Variants in FBN1 observed in about 807,000 individuals in gnomAD.
FBN1 encodes fibrillin 1.
In FBN1, 29 loss-of-function variants were observed where a neutral mutation model predicts 365.1. That is an observed-to-expected ratio of 0.08 (90% CI 0.06 to 0.11). The LOEUF is 0.11. Among genes scored for constraint, FBN1 ranks in the 10% least tolerant of loss-of-function variants. FBN1 has a pLI of 1.00. For synonymous variants in FBN1, 1,210 were observed against 1,270.5 expected, an observed-to-expected ratio of 0.95 and a Z score of 1.01; for missense variants, 2,476 against 3,703.2, an observed-to-expected ratio of 0.67 and a Z score of 8.60.
At chr15:48,489,305 T>G (rs12914527) in intron 25 of FBN1, among the ~76,000 whole-genome samples, 1 of 145,914 alleles carries the variant, frequency 6.9e-6, no homozygotes, top group Non-Finnish European at 1.5e-5. Flanking sequence ...CACCTTGGCC[T>G]CTCAAAGTGC....
intron 47 of FBN1, 61 bp downstream of exon 47, chr15:48,446,645 A>G (rs56242393): frequency 1.1e-6 from 1 of 945,090 alleles, no homozygotes; most frequent in East Asian, 2.4e-5. Context: ...AGATGATGCT[A>G]ATTACAAAGA....
At chr15:48,517,835 A>G (rs1418739376) in intron 10 of FBN1, among the ~76,000 whole-genome samples, 2 of 152,192 alleles carry the variant, frequency 1.3e-5, no homozygotes, top group African/African-American at 4.8e-5. Flanking sequence ...CCATTAATAG[A>G]AATTAGACTA....
chr15:48,488,629 TGTG>T (rs1480567600), intron 25 of FBN1, 136 bp from the exon 26 acceptor site: 1 of 943,614 alleles, frequency 1.1e-6, no homozygotes, highest in African/African-American at 1.6e-5. Context: ...TCCAAGAATG[TGTG>T]ATGATCCATG....
chr15:48,531,084 C>T (rs1234232240), intron 8 of FBN1, among the ~76,000 whole-genome samples: 1 of 147,956 alleles, frequency 6.8e-6, no homozygotes, highest in African/African-American at 2.6e-5. Flanking sequence ...GAAAGATCAA[C>T]AAAGAAGGTG....
chr15:48,495,563 A>C lies in FBN1; in HGVS notation c.2445T>G (p.Pro815=), dbSNP rs368004231. The part of the protein sequence containing the change: ...CEDIDECESS[P]CINGVCKNSP... ...TGTTCTTGCAGACTCCATTAATGCAAGGACTTGATTCGCATTCATCAATGT... is the reference window on the plus strand; with the variant it reads ...TGTTCTTGCAGACTCCATTAATGCACGGACTTGATTCGCATTCATCAATGT... The change falls in exon 21 of 66, where the codon CCT becomes CCG. Residue 815 remains proline, a synonymous_variant. Transcript: ENST00000316623. 15 of 1,613,990 alleles carry C rather than the reference A, an allele frequency of 9.3e-6. No individual in the cohort carries two copies. In the African/African-American group the frequency reaches 2.0e-4, roughly 22 times the overall value.
At chr15:48,434,331 A>G (rs2043047288) in intron 54 of FBN1, among the ~76,000 whole-genome samples, 1 of 152,212 alleles carries the variant, frequency 6.6e-6, no homozygotes, top group Non-Finnish European at 1.5e-5. Context: ...GCATCTAAAT[A>G]TAAGTGGTAG....
intron 14 of FBN1, 58 bp downstream of exon 14, chr15:48,509,986 C>T: frequency 1.3e-6 from 2 of 1,580,978 alleles, no homozygotes; most frequent in Non-Finnish European, 1.7e-6. Context: ...TTGTTAAAGA[C>T]CCCTGATATT....
At position 48,488,184 on chromosome 15, in the gene FBN1, G is replaced by A; in HGVS notation, c.3266C>T (p.Thr1089Ile). The change falls in exon 27 of 66, where the codon ACC becomes ATC. Residue 1089 changes from threonine to isoleucine, a missense_variant. Around this residue, in one of 5 missense-constraint regions of FBN1, gnomAD observed 1,780 missense variants for 2,840.8 expected, o/e 0.63. Transcript: ENST00000316623. ...DLCGRGQCVN[T>I]PGDFECKCDE... ...ACACTTGCATTCAAAGTCCCCAGGG[G>A]TGTTCACACACTGGCCTCTGCCACA... 1.2e-6 allele frequency: 2 copies of A among 1,614,164 alleles called. No individual in the cohort carries two copies. Among genetic ancestry groups the A allele is most frequent in the Non-Finnish European group, 1.7e-6 (2 of 1,180,012 alleles).
intron 15 of FBN1, among the ~76,000 whole-genome samples, chr15:48,506,334 AT>A (rs781528637): frequency 2.6e-5 from 4 of 152,256 alleles, no homozygotes; most frequent in Non-Finnish European, 5.9e-5. Context: ...AAAAAGGCAA[AT>A]TGAGAGTAAA....
intron 6 of FBN1, among the ~76,000 whole-genome samples, chr15:48,538,984 G>A (rs777150895): frequency 5.9e-5 from 9 of 152,106 alleles, no homozygotes; most frequent in East Asian, 1.9e-4. Flanking sequence ...ATAGGACATC[G>A]CAGACATGCT....
rs58728910 is a variant in FBN1 at position 48,542,781 on chromosome 15, ATGTGTG to A, written c.539-4979_539-4974del. Among the ~76,000 whole-genome samples the A allele has an allele frequency of 7.9e-3, 1,029 of 130,644 alleles. 8 individuals carry two copies. The highest frequency in any genetic ancestry group is 0.019 in the Middle Eastern group (5 of 268). The allele number at this position is 130,644 out of a possible 152,430, so 85.7% of individuals were successfully genotyped here. The stretch of plus-strand genomic sequence containing the variant: ...TATTTCTGCCCTCTAGGACTCTAAG[ATGTGTG>A]TGTGTGTGTGTGTGTGTGTGTGTGT... On this transcript the variant is annotated intron_variant, in intron 6 of 65. Coordinates refer to ENST00000316623, the MANE Select transcript of FBN1 (RefSeq NM_000138.5).
rs966529462 is a variant in FBN1, at chr15:48,523,725, A to G, written c.988+2405T>C. ...CAAGGGTGGCTGGGGGGGGGGGGGA[A>G]CCGTTGTGGTGGTATGTCACTTTGT... is the stretch of plus-strand genomic sequence containing the variant. On this transcript the variant is annotated intron_variant, in intron 9 of 65. Transcript: ENST00000316623. Among the ~76,000 whole-genome samples the G allele has an allele frequency of 1.5e-3, 212 of 138,008 alleles. 4 individuals are homozygous for G. Among genetic ancestry groups the G allele is most frequent in the African/African-American group, 6.4e-3 (206 of 32,360 alleles). The allele number at this position is 138,008 out of a possible 152,430, so 90.5% of individuals were successfully genotyped here. A position where few individuals can be genotyped will look rare whatever the true frequency, so the allele number is the denominator to read the frequency against.
rs1310010295 is a variant in FBN1 at position 48,463,882 on chromosome 15, G to A, written c.5065+17C>T. 2 of 1,601,998 alleles carry A rather than the reference G, an allele frequency of 1.2e-6. No individual in the cohort carries two copies. Among genetic ancestry groups the A allele is most frequent in the Non-Finnish European group, 1.7e-6 (2 of 1,173,732 alleles). ...ATGAGAACCAAACATGCATTACTGA[G>A]AAAAGCTTGGACTTACCCATGCAAT... On this transcript the variant is annotated intron_variant, in intron 41 of 65. Transcript: ENST00000316623.
intron 4 of FBN1, among the ~76,000 whole-genome samples, chr15:48,604,745 CT>C (rs2044593435): frequency 6.6e-6 from 1 of 152,178 alleles, no homozygotes; most frequent in African/African-American, 2.4e-5. Context: ...CCCTGAAAAG[CT>C]TTTTCAAGGA....
At chr15:48,540,441 T>C (rs2044049659) in intron 6 of FBN1, among the ~76,000 whole-genome samples, 1 of 152,204 alleles carries the variant, frequency 6.6e-6, no homozygotes, top group Non-Finnish European at 1.5e-5. Context: ...TTGCCAAAGC[T>C]TTTTCCCATG....
chr15:48,538,243 T>C (rs999386193), intron 6 of FBN1, among the ~76,000 whole-genome samples: 2 of 152,188 alleles, frequency 1.3e-5, no homozygotes, highest in African/African-American at 4.8e-5. Context: ...TTCCAGTCTA[T>C]TGTTATTTAG....
In FBN1 at chr15:48,474,575, T is replaced by A. The variant is rs1324566861; in HGVS notation, c.4040A>T (p.Lys1347Ile). The A allele has an allele frequency of 1.2e-6, 2 of 1,614,056 alleles. No homozygotes were observed. The highest frequency in any genetic ancestry group is 1.7e-6 in the Non-Finnish European group (2 of 1,180,012). The change falls in exon 33 of 66, where the codon AAA becomes ATA. Residue 1347 changes from lysine (K) to isoleucine (I), a missense_variant. Physicochemically the swap from Lys to Ile is moderately radical, Grantham distance 102. Transcript: ENST00000316623. The stretch of plus-strand genomic sequence containing the variant: ...AATCCACCCGGGACTGCAGCTACAT[T>A]TGAAGCTTCCTGCTGTATTGGTACA... ...AVCTNTAGSF[K>I]CSCSPGWIGD...
chr15:48,585,252 A>G (rs1427688740), intron 6 of FBN1, among the ~76,000 whole-genome samples: 2 of 152,234 alleles, frequency 1.3e-5, no homozygotes, highest in South Asian at 4.1e-4. Flanking sequence ...CAGAGATAGA[A>G]ATGGATCTAT....
intron 45 of FBN1, 25 bp downstream of exon 45, chr15:48,452,537 G>T: frequency 1.2e-6 from 2 of 1,614,022 alleles, no homozygotes; most frequent in Non-Finnish European, 1.7e-6. Context: ...GGGTAGGCAT[G>T]TCCAGCCTGT....
Sources: allele counts gnomAD v4.1 joint callset (sites outside exome capture counted in the v4.1 genomes callset), GRCh38; gene constraint gnomAD v4.1.1; regional missense constraint gnomAD v4.1.1; transcripts MANE v1.5; gene names NCBI Gene and HGNC (gene_info 2026-07-23, HGNC 2026-07-21).